The following MAN2B1 variants were observed in gnomAD, a reference collection of about 807,000 sequenced individuals.
The protein encoded by MAN2B1 is mannosidase alpha class 2B member 1.
A neutral mutation model predicts 127.5 loss-of-function variants in MAN2B1; 99 were observed. The observed-to-expected ratio is 0.78, with a 90% confidence interval of 0.66 to 0.92. The LOEUF (loss-of-function observed/expected upper bound fraction) is 0.92. MAN2B1 is among the 40% of genes least tolerant of loss of function. The pLI, the probability that MAN2B1 is intolerant of heterozygous loss-of-function variation, is 0.00. For missense variants in MAN2B1, 1,304 were observed against 1,384.8 expected (o/e 0.94, Z 0.93); for synonymous variants, 573 against 568.8 (o/e 1.01, Z -0.11).
chr19:12,652,458 G>T lies in MAN2B1; in HGVS notation c.1833C>A (p.His611Gln). 1 of 1,612,038 alleles carries T rather than the reference G, an allele frequency of 6.2e-7. No homozygotes were observed. The highest frequency in any genetic ancestry group is 1.3e-5 in the African/African-American group (1 of 74,968). ...WSPALTIENE[H>Q]IRATFDPDTG... ...TGTCAGGATCAAACGTTGCCCGGAT[G>T]TGCTGGGCAGAAAAGGGTCCACAGA... is the stretch of plus-strand genomic sequence containing the variant. Residue 611 changes from histidine (H) to glutamine (Q), a missense_variant and splice_region_variant, in exon 15 of 24, where the codon CAC becomes CAA. Physicochemically the swap from His to Gln is conservative, Grantham distance 24. Coordinates refer to ENST00000456935, the MANE Select transcript of MAN2B1 (RefSeq NM_000528.4).
In MAN2B1 at chr19:12,666,628, G is replaced by A. The variant is rs1357483284; in HGVS notation, c.74C>T (p.Ser25Phe). 1 of 1,556,036 alleles carries A rather than the reference G, an allele frequency of 6.4e-7. No homozygotes were observed. The highest frequency in any genetic ancestry group is 2.4e-5 in the East Asian group (1 of 41,536). ...CGGGAGCGGTGGCCGCAGGGCGCGGGACATGGTCCAGGGGCCTGCTGAGTC... is the reference window on the plus strand; with the variant it reads ...CGGGAGCGGTGGCCGCAGGGCGCGGAACATGGTCCAGGGGCCTGCTGAGTC... Reference protein sequence around the residue: ...CLDSAGPWTMSRALRPPLPPL... With the variant: ...CLDSAGPWTMFRALRPPLPPL... Residue 25 changes from serine to phenylalanine, a missense_variant, in exon 1 of 24, where the codon TCC (serine) becomes TTC (phenylalanine). Physicochemically the swap from Ser to Phe is radical, Grantham distance 155 (BLOSUM62 -2). Transcript: ENST00000456935.
In MAN2B1 at chr19:12,649,434, G is replaced by T. The variant is rs1011168725; in HGVS notation, c.2268-6C>A. On this transcript the variant is annotated splice_region_variant and splice_polypyrimidine_tract_variant and intron_variant, in intron 18 of 23. Coordinates refer to ENST00000456935, the MANE Select transcript of MAN2B1 (RefSeq NM_000528.4). ...AGGTGGGTCGATAATCCCGCCTGGG[G>T]TTGGGGGTGAGCTGATCAGGCTTGG... 6.3e-7 allele frequency: 1 copy of T among 1,593,750 alleles called. No individual in the cohort carries two copies. The highest frequency in any genetic ancestry group is 8.6e-7 in the Non-Finnish European group (1 of 1,164,278).
chr19:12,648,240 G>A lies in MAN2B1; in HGVS notation c.2599C>T (p.Pro867Ser). The A allele has an allele frequency of 6.3e-7, 1 of 1,594,782 alleles. No homozygotes were observed. Among genetic ancestry groups the A allele is most frequent in the Non-Finnish European group, 8.5e-7 (1 of 1,174,946 alleles). ...CCACCCGGGGCCAGCACCACCTGAGGGGCCAGGACCTCCTGCTCCGCCAGG... is the reference window on the plus strand; with the variant it reads ...CCACCCGGGGCCAGCACCACCTGAGAGGCCAGGACCTCCTGCTCCGCCAGG... ...RLLAEQEVLA[P>S]QVVLAPGGGA... Residue 867 changes from proline to serine, a missense_variant, in exon 21 of 24, where the codon CCT (proline) becomes TCT (serine). Physicochemically the swap from Pro to Ser is moderately conservative, Grantham distance 74. Coordinates refer to ENST00000456935, the MANE Select transcript of MAN2B1 (RefSeq NM_000528.4).
chr19:12,650,069 G>C, intron 17 of MAN2B1, 35 bp downstream of exon 17: 1 of 1,610,328 alleles, frequency 6.2e-7, no homozygotes, highest in Non-Finnish European at 8.5e-7. Flanking sequence ...CTCTGCCCTT[G>C]CTTCCACACC....
chr19:12,646,953 C>T (rs1395413736), intron 23 of MAN2B1: 11 of 609,778 alleles, frequency 1.8e-5, no homozygotes, highest in Non-Finnish European at 2.6e-5. Context: ...TACCCTCAAT[C>T]TGACCCCAGG....
Position 12,647,426 on chromosome 19 carries a change from A to G in MAN2B1, c.2820+17T>C. 6.2e-7 allele frequency: 1 copy of G among 1,613,768 alleles called. No homozygotes were observed. The highest frequency in any genetic ancestry group is 8.5e-7 in the Non-Finnish European group (1 of 1,179,830). ...CTTGCCTCTCTCCGATCTCCTTCTC[A>G]ATTTTGCCCTTCTCACCCTCAAGTT... is the stretch of plus-strand genomic sequence containing the variant. On this transcript the variant is annotated intron_variant, in intron 22 of 23. Transcript: ENST00000456935. The surrounding 1 kb of genome is among the most constrained non-coding windows in gnomAD (Gnocchi z 4.9).
At chr19:12,666,481 C>G in intron 1 of MAN2B1, 62 bp downstream of exon 1, 1 of 1,545,446 alleles carries the variant, frequency 6.5e-7, no homozygotes, top group Non-Finnish European at 8.8e-7. Flanking sequence ...ACCCACACCT[C>G]TAGACTGTAT....
chr19:12,658,380 C>A, intron 8 of MAN2B1, 36 bp from the exon 9 acceptor site: 1 of 1,614,232 alleles, frequency 6.2e-7, no homozygotes, highest in Non-Finnish European at 8.5e-7. Flanking sequence ...AGGGTCATGA[C>A]CCACGGGGCA....
intron 20 of MAN2B1, among the ~76,000 whole-genome samples, chr19:12,648,683 G>A (rs2023763118): frequency 6.6e-6 from 1 of 152,100 alleles, no homozygotes; most frequent in East Asian, 1.9e-4. Context: ...AAAACGGAGA[G>A]GAAAAGCCAC....
intron 16 of MAN2B1, among the ~76,000 whole-genome samples, chr19:12,651,916 A>T (rs2023847098): frequency 6.6e-6 from 1 of 152,216 alleles, no homozygotes; most frequent in African/African-American, 2.4e-5. Context: ...TCCACAGCAG[A>T]TGTGAATGGC....
Position 12,652,392 on chromosome 19 carries a change from G to A in MAN2B1, c.1899C>T (p.Leu633=), listed in dbSNP as rs759584931. The A allele has an allele frequency of 1.2e-6, 2 of 1,614,098 alleles. No individual in the cohort carries two copies. Among genetic ancestry groups the A allele is most frequent in the East Asian group, 2.2e-5 (1 of 44,894 alleles). The change falls in exon 15 of 24, where the codon CTC becomes CTT. Residue 633 remains leucine, a synonymous_variant. Transcript: ENST00000456935. The part of the protein sequence containing the change: ...LMEIMNMNQQ[L]LLPVRQTFFW... ...AGAAGGTCTGGCGAACAGGCAGCAGGAGTTGCTGATTCATGTTCATAATCT... is the reference window on the plus strand; with the variant it reads ...AGAAGGTCTGGCGAACAGGCAGCAGAAGTTGCTGATTCATGTTCATAATCT...
intron 7 of MAN2B1, among the ~76,000 whole-genome samples, chr19:12,659,454 A>G (rs2024052475): frequency 6.6e-6 from 1 of 151,916 alleles, no homozygotes; most frequent in Non-Finnish European, 1.5e-5. Context: ...GATGAGTGCC[A>G]TCACGCCCAC....
At chr19:12,653,516 T>C (rs1568301324) in intron 14 of MAN2B1, among the ~76,000 whole-genome samples, 1 of 152,016 alleles carries the variant, frequency 6.6e-6, no homozygotes, top group Non-Finnish European at 1.5e-5. Context: ...CCCAGAACTT[T>C]GGGAGACCAA....
At chr19:12,665,675 C>A in intron 2 of MAN2B1, 28 bp downstream of exon 2, 4 of 1,604,220 alleles carry the variant, frequency 2.5e-6, no homozygotes, top group South Asian at 1.1e-5. Context: ...ATGGGGATCC[C>A]AGGGACCAGT....
At position 12,663,794 on chromosome 19, in the gene MAN2B1, T is replaced by C; in HGVS notation, c.672A>G (p.Gln224=). ...DGFFFGRLDY[Q]DKWVRMQKLE... is the part of the protein sequence containing the mutation. ...GCTTCTGCATCCGTACCCACTTATC[T>C]TGATAATCAAGGCGCCCAAAGAAGA... The change falls in exon 5 of 24, where the codon CAA becomes CAG. Residue 224 remains glutamine (Q), a synonymous_variant. Coordinates refer to ENST00000456935, the MANE Select transcript of MAN2B1 (RefSeq NM_000528.4). 1 of 1,614,178 alleles carries C rather than the reference T, an allele frequency of 6.2e-7. No individual in the cohort carries two copies. Among genetic ancestry groups the C allele is most frequent in the Non-Finnish European group, 8.5e-7 (1 of 1,180,038 alleles).
At chr19:12,651,106 C>T (rs139695724) in intron 16 of MAN2B1, among the ~76,000 whole-genome samples, 13 of 152,122 alleles carry the variant, frequency 8.5e-5, no homozygotes, top group African/African-American at 2.7e-4. Flanking sequence ...TGATTACAGG[C>T]ATGAGCCACT....
chr19:12,652,164 G>T lies in MAN2B1; in HGVS notation c.2035C>A (p.His679Asn), dbSNP rs139473562. The stretch of plus-strand genomic sequence containing the variant: ...TCCTAGTCCCTGACCTTCACCAGGT[G>T]GATCTGAGCCCAGCGGCTCACAGGC... ...PLPVSRWAQIHLVKTPLVQEV... is the reference protein window; with the variant it reads ...PLPVSRWAQINLVKTPLVQEV... Residue 679 changes from histidine (H) to asparagine (N), a missense_variant, in exon 16 of 24, where the codon CAC becomes AAC. Physicochemically the swap from His to Asn is moderately conservative, Grantham distance 68. Coordinates refer to ENST00000456935, the MANE Select transcript of MAN2B1 (RefSeq NM_000528.4). The T allele has an allele frequency of 5.6e-6, 9 of 1,613,600 alleles. No homozygotes were observed. The highest frequency in any genetic ancestry group is 7.6e-6 in the Non-Finnish European group (9 of 1,179,656).
In MAN2B1 at chr19:12,661,328, A is replaced by G; in HGVS notation, c.958T>C (p.Phe320Leu). The G allele has an allele frequency of 3.7e-6, 6 of 1,614,016 alleles. No homozygotes were observed. Among genetic ancestry groups the G allele is most frequent in the Non-Finnish European group, 5.1e-6 (6 of 1,179,894 alleles). The change falls in exon 7 of 24, where the codon TTC becomes CTC. Residue 320 changes from phenylalanine to leucine, a missense_variant. Physicochemically the swap from Phe to Leu is conservative, Grantham distance 22. Coordinates refer to ENST00000456935, the MANE Select transcript of MAN2B1 (RefSeq NM_000528.4). Reference protein sequence around the residue: ...NHTVMTMGSDFQYENANMWFK... With the variant: ...NHTVMTMGSDLQYENANMWFK... ...CACATGTTGGCATTCTCATATTGGA[A>G]GTCCGAGCCCATGGTCATCACAGTG...
In MAN2B1 at chr19:12,658,464, C is replaced by T; in HGVS notation, c.1073G>A (p.Cys358Tyr). The T allele has an allele frequency of 6.2e-7, 1 of 1,614,180 alleles. No homozygotes were observed. The highest frequency in any genetic ancestry group is 8.5e-7 in the Non-Finnish European group (1 of 1,180,036). The change falls in exon 8 of 24, where the codon TGT (cysteine) becomes TAT (tyrosine). Residue 358 changes from cysteine (C) to tyrosine (Y), a missense_variant. Transcript: ENST00000456935. The part of the protein sequence containing the change: ...SVHVLYSTPA[C>Y]YLWELNKANL... ...GGCCTTGTTCAGCTCCCAGAGGTAACAAGCGGGGGTGGAGTAGAGAACATG... is the reference window on the plus strand; with the variant it reads ...GGCCTTGTTCAGCTCCCAGAGGTAATAAGCGGGGGTGGAGTAGAGAACATG...
Sources: allele counts gnomAD v4.1 joint callset (sites outside exome capture counted in the v4.1 genomes callset), GRCh38; gene constraint gnomAD v4.1.1; non-coding constraint Gnocchi (gnomAD v3.1); transcripts MANE v1.5; gene names NCBI Gene and HGNC (gene_info 2026-07-23, HGNC 2026-07-21).